ITGA10: variants seen among roughly 807,000 people sequenced by gnomAD.
The protein encoded by ITGA10 is integrin subunit alpha 10.
A neutral mutation model predicts 145.2 loss-of-function variants in ITGA10; 105 were observed. That is an observed-to-expected ratio of 0.72 (90% CI 0.62 to 0.85). The LOEUF is 0.85. ITGA10 is among the 40% of genes least tolerant of loss of function. The probability of loss-of-function intolerance (pLI) is 0.00; values close to 1 mark genes in which losing one functional copy is unlikely to be tolerated. For synonymous variants in ITGA10, 506 were observed against 557.8 expected, an observed-to-expected ratio of 0.91 and a Z score of 1.31; for missense variants, 1,317 against 1,444.5, an observed-to-expected ratio of 0.91 and a Z score of 1.43.
chr1:145,899,153 G>A lies in ITGA10; in HGVS notation c.2089+22C>T, dbSNP rs781929011. 22 of 1,614,212 alleles carry A rather than the reference G, an allele frequency of 1.4e-5. 1 individual carries two copies. Among genetic ancestry groups the A allele is most frequent in the Non-Finnish European group, 1.9e-5 (22 of 1,180,020 alleles). On this transcript the variant is annotated intron_variant, in intron 16 of 29. Transcript: ENST00000369304. ...GCATGCAAGGAATTGAGAGTTGCCT[G>A]TGATGCATTTTAGTCACTCACAGAA...
At chr1:145,896,590 A>C (rs1655441152) in intron 23 of ITGA10, among the ~76,000 whole-genome samples, 179 bp downstream of exon 23, 4 of 152,190 alleles carry the variant, frequency 2.6e-5, no homozygotes, top group Admixed American at 2.6e-4. Flanking sequence ...CACTATACCT[A>C]GGAAAGTAAG....
chr1:145,906,896 G>A (rs1436856580), intron 3 of ITGA10, 72 bp from the exon 4 acceptor site: 2 of 1,252,082 alleles, frequency 1.6e-6, no homozygotes, highest in Non-Finnish European at 2.3e-6. Flanking sequence ...ATGTGATTTT[G>A]GAGGAGAATG....
rs1048997398 is a variant in ITGA10 at position 145,891,941 on chromosome 1, A to G, written c.*857T>C. On this transcript the variant is annotated 3_prime_UTR_variant, in exon 30 of 30. Coordinates refer to ENST00000369304, the MANE Select transcript of ITGA10 (RefSeq NM_003637.5). ...CCCCAAGGAGGGCTCAAGAGTGAGT[A>G]TAAGACTTGAGAGAAGTAGAGAAAA... 3 of 152,244 alleles carry G rather than the reference A, an allele frequency of 2.0e-5. No homozygotes were observed. The highest frequency in any genetic ancestry group is 2.9e-5 in the Non-Finnish European group (2 of 68,048). 9.4% of individuals were successfully genotyped at this position (152,244 alleles called of 1,614,324 possible). A position where few individuals can be genotyped will look rare whatever the true frequency, so the allele number is the denominator to read the frequency against.
chr1:145,906,366 C>G, intron 5 of ITGA10, 28 bp downstream of exon 5: 1 of 1,564,832 alleles, frequency 6.4e-7, no homozygotes, highest in East Asian at 2.2e-5. Context: ...CTTCTGGGAA[C>G]CAAGTACTCA....
At chr1:145,903,814 G>A (rs1430406106) in intron 7 of ITGA10, among the ~76,000 whole-genome samples, 1 of 152,010 alleles carries the variant, frequency 6.6e-6, no homozygotes, top group African/African-American at 2.4e-5. Context: ...AGCCTCCGAA[G>A]TAGCATGCCT....
At position 145,896,827 on chromosome 1, in the gene ITGA10, C is replaced by G. The variant is rs1326322905; in HGVS notation, c.2776G>C (p.Asp926His). Residue 926 changes from aspartate to histidine, a missense_variant, in exon 23 of 30, where the codon GAT (aspartate) becomes CAT (histidine). Physicochemically the swap from Asp to His is moderately conservative, Grantham distance 81 (BLOSUM62 -1). Transcript: ENST00000369304. ...TAGGCTGAGGTCTGGGCTGTGTTAT[C>G]TTGAAGGGTCCCATTTCTCTCCAGG... Reference protein sequence around the residue: ...DSLERNGTLQDNTAQTSAYIQ... With the variant: ...DSLERNGTLQHNTAQTSAYIQ... 6.2e-7 allele frequency: 1 copy of G among 1,613,918 alleles called. No homozygotes were observed. Among genetic ancestry groups the G allele is most frequent in the South Asian group, 1.1e-5 (1 of 91,080 alleles).
At position 145,898,125 on chromosome 1, in the gene ITGA10, G is replaced by T; in HGVS notation, c.2331C>A (p.Thr777=). 6.2e-7 allele frequency: 1 copy of T among 1,613,424 alleles called. No individual in the cohort carries two copies. The highest frequency in any genetic ancestry group is 8.5e-7 in the Non-Finnish European group (1 of 1,179,404). Residue 777 remains threonine (T), a synonymous_variant, in exon 18 of 30, where the codon ACC becomes ACA. Coordinates refer to ENST00000369304, the MANE Select transcript of ITGA10 (RefSeq NM_003637.5). ...PGPVLNEGSP[T]SIQKLVPFSK... is the part of the protein sequence containing the mutation. The stretch of plus-strand genomic sequence containing the variant: ...CACTGCTGACCAGCTTTTGTATAGA[G>T]GTGGGTGAGCCCTCATTCAGCACAG...
At chr1:145,896,180 A>C in intron 24 of ITGA10, 84 bp from the exon 25 acceptor site, 2 of 1,486,458 alleles carry the variant, frequency 1.3e-6, no homozygotes, top group Non-Finnish European at 1.9e-6. Context: ...ATACCATTAA[A>C]ATCCAAGAGA....
Position 145,902,238 on chromosome 1 carries a change from T to C in ITGA10, c.1149+8A>G. 1.2e-6 allele frequency: 2 copies of C among 1,613,920 alleles called. No homozygotes were observed. Among genetic ancestry groups the C allele is most frequent in the Non-Finnish European group, 1.7e-6 (2 of 1,179,782 alleles). ...GGGAGAAGTAATGAAGGGGTCAATC[T>C]GTCCAACCTTTAGCCGATGAGTGGA... On this transcript the variant is annotated splice_region_variant and intron_variant, in intron 10 of 29. Coordinates refer to ENST00000369304, the MANE Select transcript of ITGA10 (RefSeq NM_003637.5).
At chr1:145,906,654 A>T (rs1271727123) in intron 4 of ITGA10, 79 bp downstream of exon 4, 2 of 1,345,798 alleles carry the variant, frequency 1.5e-6, no homozygotes, top group African/African-American at 2.9e-5. Flanking sequence ...CTCCACACAG[A>T]CCATTTTCCC....
chr1:145,900,965 A>G lies in ITGA10; in HGVS notation c.1616T>C (p.Leu539Pro), dbSNP rs1553748036. 6.2e-7 allele frequency: 1 copy of G among 1,614,092 alleles called. No individual in the cohort carries two copies. The highest frequency in any genetic ancestry group is 1.6e-4 in the Middle Eastern group (1 of 6,062). Residue 539 changes from leucine to proline, a missense_variant, in exon 14 of 30, where the codon CTT becomes CCT. By Grantham distance (98) the Leu-to-Pro change is moderately conservative. Coordinates refer to ENST00000369304, the MANE Select transcript of ITGA10 (RefSeq NM_003637.5). ...AGCATCCTGGGGGGGTTCTGGCTGA[A>G]GTGTTCCTTGGAGGGTCAGCAAGGA... Reference protein sequence around the residue: ...QQSLLTLQGTLQPEPPQDARF... With the variant: ...QQSLLTLQGTPQPEPPQDARF...
At position 145,907,474 on chromosome 1, in the gene ITGA10, T is replaced by C. The variant is rs2274620; in HGVS notation, c.53-9A>G. On this transcript the variant is annotated splice_polypyrimidine_tract_variant and intron_variant, in intron 1 of 29. Transcript: ENST00000369304. ...AAAGGGGGAGCAGAGACCTGTGGGG[T>C]CAGGATCATAATGTTAGTATGAGGT... The C allele has an allele frequency of 0.021, 34,163 of 1,613,826 alleles. 3,839 individuals carry two copies. In the African/African-American group the frequency reaches 0.3, roughly 14 times the overall value.
At chr1:145,904,534 A>G (rs1190550932) in intron 6 of ITGA10, 150 bp downstream of exon 6, 2 of 719,578 alleles carry the variant, frequency 2.8e-6, no homozygotes, top group African/African-American at 3.7e-5. Context: ...ATGCCTGGCT[A>G]TTTTTTTTTT....
rs781952936 is a variant in ITGA10, at chr1:145,904,143, G to A, written c.667C>T (p.Arg223Ter). ...GCTCTCACCACTTCTTCCTTCGTTC[G>A]GAAATCTCCCAGGGACCACTCATGT... The part of the protein sequence containing the change: ...PVHEWSLGDF[R>*]TKEEVVRAAK... Residue 223 changes from arginine to a stop codon, truncating the protein, a stop_gained, in exon 7 of 30, where the codon CGA (arginine) becomes TGA (stop). Transcript: ENST00000369304. LOFTEE classifies it high-confidence loss of function. The A allele has an allele frequency of 6.8e-6, 11 of 1,613,912 alleles. No individual in the cohort carries two copies. Among genetic ancestry groups the A allele is most frequent in the Admixed American group, 3.3e-5 (2 of 59,978 alleles).
chr1:145,896,936 T>C, intron 22 of ITGA10, 75 bp downstream of exon 22: 2 of 1,527,644 alleles, frequency 1.3e-6, no homozygotes, highest in Non-Finnish European at 1.8e-6. Context: ...GAGGAATCAA[T>C]GTTGTTCCTC....
In ITGA10 at chr1:145,895,746, T is replaced by A. The variant is rs782542092; in HGVS notation, c.3034-35A>T. The A allele has an allele frequency of 2.1e-5, 33 of 1,599,944 alleles. No homozygotes were observed. In the East Asian group the frequency reaches 7.1e-4, roughly 35 times the overall value. On this transcript the variant is annotated intron_variant, in intron 25 of 29. Coordinates refer to ENST00000369304, the MANE Select transcript of ITGA10 (RefSeq NM_003637.5). ...GATCCAACTTGAAAGACCCTCCTGA[T>A]GGGGTGGCGCTAGCCACTCAAGGCT...
chr1:145,893,765 G>A (rs1230195812), intron 27 of ITGA10, 130 bp from the exon 28 acceptor site: 20 of 655,092 alleles, frequency 3.1e-5, no homozygotes, highest in Non-Finnish European at 5.1e-5. Context: ...AGAAGAAAAG[G>A]CTGAAGACCA....
In ITGA10 at chr1:145,901,259, C is replaced by T; in HGVS notation, c.1463G>A (p.Ser488Asn). The T allele has an allele frequency of 6.2e-7, 1 of 1,614,136 alleles. No individual in the cohort carries two copies. ...ATCTGTATCCAATGGGCAGAGCTCA[C>T]TGCCAAAGTATGAACCAATCTGGGG... ...QGEQIGSYFG[S>N]ELCPLDTDRD... Residue 488 changes from serine to asparagine, a missense_variant, in exon 13 of 30, where the codon AGT becomes AAT. By Grantham distance (46) the Ser-to-Asn change is conservative. Coordinates refer to ENST00000369304, the MANE Select transcript of ITGA10 (RefSeq NM_003637.5). The surrounding 1 kb of genome is among the most constrained non-coding windows in gnomAD (Gnocchi z 4.3).
chr1:145,902,247 T>C lies in ITGA10; in HGVS notation c.1148A>G (p.Lys383Arg), dbSNP rs781913857. ...SQIGFSTHRL[K>R]DGILFGMVGA... ...AATGAAGGGGTCAATCTGTCCAACC[T>C]TTAGCCGATGAGTGGAGAAACCAAT... Residue 383 changes from lysine (K) to arginine (R), a missense_variant and splice_region_variant, in exon 10 of 30, where the codon AAG becomes AGG. Physicochemically the swap from Lys to Arg is conservative, Grantham distance 26 (BLOSUM62 2). Transcript: ENST00000369304. 10 of 1,614,086 alleles carry C rather than the reference T, an allele frequency of 6.2e-6. No homozygotes were observed. Among genetic ancestry groups the C allele is most frequent in the Non-Finnish European group, 7.6e-6 (9 of 1,179,938 alleles).
Sources: allele counts gnomAD v4.1 joint callset (sites outside exome capture counted in the v4.1 genomes callset), GRCh38; gene constraint gnomAD v4.1.1; non-coding constraint Gnocchi (gnomAD v3.1); transcripts MANE v1.5; gene names NCBI Gene and HGNC (gene_info 2026-07-23, HGNC 2026-07-21).